The following AIM2 variants were observed in gnomAD, a reference collection of about 807,000 sequenced individuals.
The protein encoded by AIM2 is interferon-inducible protein AIM2.
A neutral mutation model predicts 27.7 loss-of-function variants in AIM2; 30 were observed. That is an observed-to-expected ratio of 1.08 (90% CI 0.81 to 1.47). The LOEUF (loss-of-function observed/expected upper bound fraction) is 1.47, where lower values mean the gene tolerates loss of function less well. Among genes scored for constraint, AIM2 ranks in the 40% most tolerant of loss-of-function variants. The pLI is 0.00. For synonymous variants in AIM2, 141 were observed against 145.3 expected (o/e 0.97, Z 0.21); for missense variants, 358 against 411.3 (o/e 0.87, Z 1.12).
At position 159,073,461 on chromosome 1, in the gene AIM2, G is replaced by T. The variant is rs765097282; in HGVS notation, c.39C>A (p.Gly13=). 1 of 1,614,040 alleles carries T rather than the reference G, an allele frequency of 6.2e-7. No individual in the cohort carries two copies. Among genetic ancestry groups the T allele is most frequent in the Non-Finnish European group, 8.5e-7 (1 of 1,180,010 alleles). The change falls in exon 2 of 6, where the codon GGC becomes GGA. Residue 13 remains glycine (G), a synonymous_variant. Coordinates refer to ENST00000368130, the MANE Select transcript of AIM2 (RefSeq NM_004833.3). ...SKYKEILLLT[G]LDNITDEELD... ...GTTCCTCATCAGTGATGTTATCCAGGCCTGTTAGCAAGAGTATCTCCTTGT... is the reference window on the plus strand; with the variant it reads ...GTTCCTCATCAGTGATGTTATCCAGTCCTGTTAGCAAGAGTATCTCCTTGT...
chr1:159,125,480 G>C (rs1271192039), intron 1 of AIM2, among the ~76,000 whole-genome samples: 1 of 152,186 alleles, frequency 6.6e-6, no homozygotes, highest in Admixed American at 6.5e-5. Flanking sequence ...AGCTGAGACA[G>C]GGTAAGTCAC....
intron 1 of AIM2, among the ~76,000 whole-genome samples, chr1:159,137,864 G>C (rs1470224099): frequency 6.6e-6 from 1 of 152,196 alleles, no homozygotes; most frequent in African/African-American, 2.4e-5. Flanking sequence ...CCAGGACGCT[G>C]CTGGTGAACG....
At chr1:159,137,691 T>C (rs1444309780) in intron 1 of AIM2, among the ~76,000 whole-genome samples, 1 of 152,154 alleles carries the variant, frequency 6.6e-6, no homozygotes, top group Non-Finnish European at 1.5e-5. Context: ...TATGTGTTGG[T>C]ATCTGAGCTT....
upstream of AIM2, among the ~76,000 whole-genome samples, chr1:159,080,337 T>C (rs1656747578): frequency 6.6e-6 from 1 of 152,198 alleles, no homozygotes; most frequent in East Asian, 1.9e-4. Flanking sequence ...AAGTACTGCA[T>C]TGAACAGTTT....
chr1:159,111,046 C>T (rs1254161654), intron 1 of AIM2, among the ~76,000 whole-genome samples: 1 of 152,030 alleles, frequency 6.6e-6, no homozygotes, highest in Non-Finnish European at 1.5e-5. Context: ...TTCTTCTAAT[C>T]TAGTATTTAG....
At chr1:159,076,190 C>G (rs1025486526) in intron 1 of AIM2, among the ~76,000 whole-genome samples, 5 of 152,192 alleles carry the variant, frequency 3.3e-5, no homozygotes, top group African/African-American at 1.2e-4. Flanking sequence ...TACTTTTCTA[C>G]TTGTCCATAA....
intron 1 of AIM2, among the ~76,000 whole-genome samples, chr1:159,109,277 T>G (rs1048194590): frequency 1.3e-5 from 2 of 152,086 alleles, no homozygotes; most frequent in Non-Finnish European, 2.9e-5. Flanking sequence ...CAACTGATCT[T>G]CAACAAAGCA....
intron 1 of AIM2, among the ~76,000 whole-genome samples, chr1:159,117,696 T>C (rs1228682723): frequency 6.6e-6 from 1 of 152,162 alleles, no homozygotes; most frequent in Admixed American, 6.6e-5. Context: ...GAGGCCATGT[T>C]GACCTTACGA....
chr1:159,069,687 C>T (rs1184717638), intron 2 of AIM2, among the ~76,000 whole-genome samples: 1 of 151,980 alleles, frequency 6.6e-6, no homozygotes, highest in East Asian at 1.9e-4. Flanking sequence ...GGATTACAGG[C>T]TCATGCCACC....
downstream of AIM2, among the ~76,000 whole-genome samples, chr1:159,058,515 A>T (rs1387217372): frequency 1.3e-5 from 2 of 151,892 alleles, no homozygotes; most frequent in Admixed American, 1.3e-4. Flanking sequence ...GCCACTGCTC[A>T]CCGGTTCATC....
rs200347649 is a variant in AIM2, at chr1:159,097,357, TC to T, written c.-15-31029del. 7.7e-3 allele frequency among the ~76,000 whole-genome samples: 1,170 copies of T among 152,182 alleles called. 17 individuals carry two copies. The highest frequency in any genetic ancestry group is 0.027 in the African/African-American group (1,115 of 41,554). ...CTTCTAACTCCAAGGTGAATTATTG[TC>T]CCCTGGGCCATAGCTACATCCTCCC... On this transcript the variant is annotated intron_variant, in intron 1 of 2. Coordinates refer to the AIM2 transcript ENST00000368129.
intron 1 of AIM2, among the ~76,000 whole-genome samples, chr1:159,093,836 A>C (rs923245515): frequency 4.0e-5 from 6 of 151,634 alleles, no homozygotes; most frequent in Admixed American, 2.6e-4. Flanking sequence ...CCCAGGTTCA[A>C]GTGATTCCCC....
intron 1 of AIM2, among the ~76,000 whole-genome samples, chr1:159,129,622 G>A (rs1440611235): frequency 6.6e-6 from 1 of 152,144 alleles, no homozygotes; most frequent in African/African-American, 2.4e-5. Context: ...ACAATAAAAA[G>A]TACCTCTGTA....
Position 159,065,905 on chromosome 1 carries a change from C to T in AIM2, c.816+5G>A, listed in dbSNP as rs1424576482. The stretch of plus-strand genomic sequence containing the variant: ...ATCAATATGAAATTAGATATGAAAA[C>T]TTACCTTCTGGACTACAAACAAACC... On this transcript the variant is annotated splice_donor_5th_base_variant and intron_variant, in intron 4 of 5. Transcript: ENST00000368130. The T allele has an allele frequency of 2.5e-6, 4 of 1,581,576 alleles. No individual in the cohort carries two copies. The East Asian group carries it at 6.7e-5, about 27-fold the overall frequency.
chr1:159,072,416 T>A (rs855868), intron 2 of AIM2, among the ~76,000 whole-genome samples: 7 of 152,312 alleles, frequency 4.6e-5, no homozygotes, highest in South Asian at 2.1e-4. Context: ...TTGCTGCTAC[T>A]GTTGTACTTT....
At chr1:159,120,190 T>C (rs1216086963) in intron 1 of AIM2, among the ~76,000 whole-genome samples, 1 of 152,164 alleles carries the variant, frequency 6.6e-6, no homozygotes, top group African/African-American at 2.4e-5. Flanking sequence ...TTCAAAATTA[T>C]AATATCAAGA....
intron 1 of AIM2, among the ~76,000 whole-genome samples, chr1:159,125,259 G>A (rs1647655611): frequency 6.6e-6 from 1 of 152,136 alleles, no homozygotes; most frequent in African/African-American, 2.4e-5. Flanking sequence ...CAATACACTG[G>A]AACATGCTTT....
chr1:159,073,842 C>A (rs1656480007), intron 1 of AIM2, among the ~76,000 whole-genome samples: 1 of 152,154 alleles, frequency 6.6e-6, no homozygotes, highest in South Asian at 2.1e-4. Context: ...AGTTTGAGAC[C>A]AGACTGGCCA....
intron 1 of AIM2, among the ~76,000 whole-genome samples, chr1:159,085,395 T>A (rs1570955542): frequency 6.6e-6 from 1 of 152,154 alleles, no homozygotes; most frequent in East Asian, 1.9e-4. Context: ...CCAGAATTAT[T>A]CCCAGATTTC....
Sources: allele counts gnomAD v4.1 joint callset (sites outside exome capture counted in the v4.1 genomes callset), GRCh38; gene constraint gnomAD v4.1.1; transcripts MANE v1.5; gene names NCBI Gene and HGNC (gene_info 2026-07-23, HGNC 2026-07-21).